The following WWTR1 variants were observed in gnomAD, a reference collection of about 807,000 sequenced individuals.
The protein encoded by WWTR1 is WW domain containing transcription regulator 1.
In WWTR1, 13 loss-of-function variants were observed where a neutral mutation model predicts 40.1. That is an observed-to-expected ratio of 0.32 (90% CI 0.21 to 0.52). The LOEUF is 0.52. WWTR1 is among the 20% of genes least tolerant of loss of function. WWTR1 has a pLI of 0.97. For missense variants in WWTR1, 436 were observed against 523.1 expected (o/e 0.83, Z 1.63); for synonymous variants, 230 against 210.1 (o/e 1.09, Z -0.82).
At chr3:149,702,805 G>A (rs966762228) in intron 1 of WWTR1, 2 of 152,160 alleles carry the variant, frequency 1.3e-5, no homozygotes, top group Non-Finnish European at 2.9e-5. Context: ...TTACCAGAAT[G>A]ACCACTGCAT....
intron 2 of WWTR1, among the ~76,000 whole-genome samples, chr3:149,667,827 T>C (rs1313254484): frequency 1.3e-5 from 2 of 152,232 alleles, no homozygotes; most frequent in East Asian, 3.8e-4. Context: ...TCACAGTTCA[T>C]TCTGTATATT....
rs747408533 is a variant in WWTR1 at position 149,520,704 on chromosome 3, C to T, written c.*101G>A. 2.6e-4 allele frequency: 299 copies of T among 1,130,678 alleles called. No individual in the cohort carries two copies. Among genetic ancestry groups the T allele is most frequent in the Non-Finnish European group, 3.3e-4 (279 of 839,872 alleles). The allele number at this position is 1,130,678 out of a possible 1,614,324, so 70.0% of individuals were successfully genotyped here. On this transcript the variant is annotated 3_prime_UTR_variant, in exon 7 of 7. Transcript: ENST00000360632. ...AAGGAGGGAGCACGAGTCATGGAGG[C>T]GGGAAGTGGTGCACCTGCAGACTTG...
chr3:149,616,444 C>CTCT (rs1553799287), intron 2 of WWTR1, among the ~76,000 whole-genome samples: 1 of 145,160 alleles, frequency 6.9e-6, no homozygotes, highest in African/African-American at 2.5e-5. Context: ...CTCTCTCTCT[C>CTCT]TTTTTTTTTT....
intron 2 of WWTR1, among the ~76,000 whole-genome samples, chr3:149,597,319 C>A (rs1560077674): frequency 6.6e-6 from 1 of 151,064 alleles, no homozygotes; most frequent in South Asian, 2.1e-4. Flanking sequence ...CAGAGAGAAA[C>A]TAAAATAGGC....
intron 3 of WWTR1, among the ~76,000 whole-genome samples, chr3:149,563,970 T>C (rs1737199996): frequency 6.6e-6 from 1 of 152,160 alleles, no homozygotes. Context: ...GCCAGGCTGG[T>C]CTCAAACTCC....
At chr3:149,565,928 C>CAAA (rs58536558) in intron 3 of WWTR1, among the ~76,000 whole-genome samples, 10 of 73,430 alleles carry the variant, frequency 1.4e-4, no homozygotes, top group East Asian at 3.1e-4. Context: ...AACTCTGTCT[C>CAAA]AAAAAAAAAA....
At chr3:149,633,253 G>T (rs749878077) in intron 2 of WWTR1, among the ~76,000 whole-genome samples, 1 of 152,148 alleles carries the variant, frequency 6.6e-6, no homozygotes, top group Non-Finnish European at 1.5e-5. Flanking sequence ...GCCAGGCATG[G>T]TGACGCACAC....
chr3:149,675,800 T>A (rs1714240461), intron 1 of WWTR1, among the ~76,000 whole-genome samples: 1 of 151,992 alleles, frequency 6.6e-6, no homozygotes, highest in Non-Finnish European at 1.5e-5. Flanking sequence ...CACTGCAAGC[T>A]CTGCCTCCCA....
intron 2 of WWTR1, among the ~76,000 whole-genome samples, chr3:149,669,149 A>G (rs1713964984): frequency 6.6e-6 from 1 of 152,164 alleles, no homozygotes. Flanking sequence ...AGAAATAAGA[A>G]CCCCACATAT....
At chr3:149,576,015 A>C in intron 2 of WWTR1, 2 of 456,674 alleles carry the variant, frequency 4.4e-6, no homozygotes, top group Non-Finnish European at 8.8e-6. Flanking sequence ...TGGATTTGTT[A>C]ATTAAAAGTG....
intron 2 of WWTR1, among the ~76,000 whole-genome samples, chr3:149,628,660 T>G (rs1390041681): frequency 6.6e-6 from 1 of 152,110 alleles, no homozygotes; most frequent in African/African-American, 2.4e-5. Flanking sequence ...GTCCAGCTCT[T>G]TCAGACTTTA....
chr3:149,612,428 A>T (rs1739779172), intron 2 of WWTR1, among the ~76,000 whole-genome samples: 1 of 151,668 alleles, frequency 6.6e-6, no homozygotes, highest in African/African-American at 2.4e-5. Context: ...TTGGATCATC[A>T]TTATTTTGCA....
chr3:149,545,922 A>C (rs1447186314), intron 3 of WWTR1, among the ~76,000 whole-genome samples: 1 of 152,240 alleles, frequency 6.6e-6, no homozygotes, highest in Non-Finnish European at 1.5e-5. Flanking sequence ...TCAGTCACTT[A>C]GGTAGACTGC....
At chr3:149,697,674 A>G (rs1234880494) in intron 1 of WWTR1, among the ~76,000 whole-genome samples, 1 of 152,184 alleles carries the variant, frequency 6.6e-6, no homozygotes, top group Non-Finnish European at 1.5e-5. Flanking sequence ...AAATACAATC[A>G]TGCCTTTGTA....
At chr3:149,595,114 A>G (rs559406054) in intron 2 of WWTR1, among the ~76,000 whole-genome samples, 1 of 151,364 alleles carries the variant, frequency 6.6e-6, no homozygotes, top group African/African-American at 2.4e-5. Flanking sequence ...GGCATGCACC[A>G]CCACGCCCAG....
At chr3:149,582,965 A>G (rs1738223844) in intron 2 of WWTR1, among the ~76,000 whole-genome samples, 1 of 152,082 alleles carries the variant, frequency 6.6e-6, no homozygotes, top group African/African-American at 2.4e-5. Flanking sequence ...GTGAATTATT[A>G]TTACTCTTAT....
At chr3:149,715,648 G>T (rs981614355) in intron 5 of WWTR1, among the ~76,000 whole-genome samples, 1 of 152,196 alleles carries the variant, frequency 6.6e-6, no homozygotes, top group East Asian at 1.9e-4. Context: ...TTGGGCAAAG[G>T]CACCACCAGC....
At chr3:149,566,859 C>A (rs921416113) in intron 3 of WWTR1, among the ~76,000 whole-genome samples, 15 of 151,096 alleles carry the variant, frequency 9.9e-5, no homozygotes, top group African/African-American at 3.6e-4. Context: ...AAGTACAGCT[C>A]GAGACACAGA....
intron 3 of WWTR1, among the ~76,000 whole-genome samples, chr3:149,557,101 C>T (rs577152871): frequency 4.1e-4 from 39 of 95,672 alleles, no homozygotes; most frequent in Non-Finnish European, 6.8e-4. Flanking sequence ...GACAGAGTTT[C>T]ACTCTGTCAC....
Sources: gnomAD v4.1 joint callset for allele counts (sites outside exome capture counted in the v4.1 genomes callset) on GRCh38, gnomAD v4.1.1 for gene constraint, MANE v1.5 for transcripts, NCBI Gene and HGNC (gene_info 2026-07-23, HGNC 2026-07-21) for gene names.